CALN1: variants seen among roughly 807,000 people sequenced by gnomAD.
CALN1 encodes calcium-binding protein 8.
CALN1 carries 17 observed loss-of-function variants against 30.6 expected under a neutral mutation model. The observed-to-expected ratio is 0.56, with a 90% CI of 0.38 to 0.83. CALN1 has a LOEUF of 0.83. CALN1 is among the 40% of genes least tolerant of loss of function. CALN1 has a pLI of 0.00. For synonymous variants in CALN1, 156 were observed against 131.4 expected, an observed-to-expected ratio of 1.19 and a Z score of -1.28; for missense variants, 291 against 354.9, an observed-to-expected ratio of 0.82 and a Z score of 1.45.
intron 5 of CALN1, among the ~76,000 whole-genome samples, chr7:71,864,119 G>A (rs1296283555): frequency 6.6e-6 from 1 of 152,030 alleles, no homozygotes; most frequent in East Asian, 1.9e-4. Flanking sequence ...TCTTCAAATA[G>A]CTTCTTATTG....
intron 2 of CALN1, among the ~76,000 whole-genome samples, chr7:72,318,348 C>T (rs1262555635): frequency 6.6e-6 from 1 of 152,166 alleles, no homozygotes; most frequent in Non-Finnish European, 1.5e-5. Flanking sequence ...CCAATAGTGT[C>T]TCAACTATTA....
At chr7:72,046,378 C>G (rs928166078) in intron 4 of CALN1, among the ~76,000 whole-genome samples, 1 of 152,004 alleles carries the variant, frequency 6.6e-6, no homozygotes, top group Non-Finnish European at 1.5e-5. Context: ...GTAGCTGAGA[C>G]TACAGGCACA....
chr7:72,144,204 C>T (rs865856570), intron 3 of CALN1, among the ~76,000 whole-genome samples: 1 of 150,816 alleles, frequency 6.6e-6, no homozygotes, highest in African/African-American at 2.4e-5. Flanking sequence ...AGTCAAGACC[C>T]ATCAGTGTGC....
At chr7:71,978,358 G>T (rs1400108753) in intron 5 of CALN1, among the ~76,000 whole-genome samples, 1 of 132,740 alleles carries the variant, frequency 7.5e-6, no homozygotes, top group Non-Finnish European at 1.6e-5. Flanking sequence ...TGCAAGCTCC[G>T]CCTCCTGGGT....
chr7:72,456,055 G>C, the CALN1 span, among the ~76,000 whole-genome samples: 1 of 152,022 alleles, frequency 6.6e-6, no homozygotes, highest in African/African-American at 2.4e-5. Context: ...CTGGTGGCAC[G>C]CACATGTAGT....
chr7:72,460,587 A>C, the CALN1 span, among the ~76,000 whole-genome samples: 1 of 152,100 alleles, frequency 6.6e-6, no homozygotes, highest in African/African-American at 2.4e-5. Flanking sequence ...AGCCAAGATC[A>C]CATGACTGCA....
At chr7:72,088,968 A>C (rs1805671295) in intron 4 of CALN1, among the ~76,000 whole-genome samples, 1 of 152,120 alleles carries the variant, frequency 6.6e-6, no homozygotes, top group Non-Finnish European at 1.5e-5. Context: ...ACTTTATGTC[A>C]GAACAAATAT....
intron 2 of CALN1, among the ~76,000 whole-genome samples, chr7:72,352,774 AGAAAG>A (rs1403444077): frequency 6.6e-6 from 1 of 152,128 alleles, no homozygotes; most frequent in Non-Finnish European, 1.5e-5. Context: ...AGAAAATAGA[AGAAAG>A]GAAAAAGGAT....
At chr7:72,024,571 G>A (rs558858686) in intron 4 of CALN1, among the ~76,000 whole-genome samples, 1 of 151,968 alleles carries the variant, frequency 6.6e-6, no homozygotes, top group South Asian at 2.1e-4. Context: ...GCTAATTTTT[G>A]TATTTTTAGT....
chr7:72,246,812 T>C (rs1162098511), intron 3 of CALN1, among the ~76,000 whole-genome samples: 1 of 142,072 alleles, frequency 7.0e-6, no homozygotes, highest in Non-Finnish European at 1.5e-5. Context: ...TGGGGTGCTG[T>C]GGCGCAATCT....
chr7:72,395,359 G>GCACA lies in CALN1; in HGVS notation c.119+7888_119+7891dup, dbSNP rs71069064. On this transcript the variant is annotated intron_variant, in intron 2 of 6. Transcript: ENST00000395275. ...ACACACACACGCTGCGCACGCGCGC[G>GCACA]CACACACACACACACACATATCCAG... Among the ~76,000 whole-genome samples, 165 of 151,398 alleles carry GCACA rather than the reference G, an allele frequency of 1.1e-3. 1 individual carries two copies. The highest frequency in any genetic ancestry group is 2.7e-3 in the African/African-American group (112 of 41,268).
At chr7:71,855,380 G>A (rs1219897498) in intron 5 of CALN1, among the ~76,000 whole-genome samples, 1 of 152,114 alleles carries the variant, frequency 6.6e-6, no homozygotes, top group Non-Finnish European at 1.5e-5. Flanking sequence ...TTCAGTTTTA[G>A]GTGCACACGG....
intron 3 of CALN1, among the ~76,000 whole-genome samples, chr7:72,135,115 C>T (rs78632866): frequency 0.013 from 1,981 of 152,302 alleles, 43 homozygotes; most frequent in African/African-American, 0.045. Context: ...CCTTCTCTTG[C>T]TATTTCCACC....
chr7:72,485,500 G>T, the CALN1 span, among the ~76,000 whole-genome samples: 5 of 152,218 alleles, frequency 3.3e-5, no homozygotes, highest in Non-Finnish European at 5.9e-5. Flanking sequence ...GGAATTGGAT[G>T]AAGAAAGTTT....
chr7:71,866,452 C>T (rs1184700951), intron 5 of CALN1, among the ~76,000 whole-genome samples: 2 of 151,814 alleles, frequency 1.3e-5, no homozygotes, highest in African/African-American at 4.8e-5. Context: ...CCCATTTTTG[C>T]TATTTGTTTT....
At chr7:72,251,614 T>C (rs1461766115) in intron 3 of CALN1, among the ~76,000 whole-genome samples, 1 of 152,128 alleles carries the variant, frequency 6.6e-6, no homozygotes, top group Non-Finnish European at 1.5e-5. Flanking sequence ...TTGTCCAGGC[T>C]AGTCTCAAAC....
intron 5 of CALN1, among the ~76,000 whole-genome samples, chr7:72,000,719 A>G (rs972230487): frequency 6.6e-6 from 1 of 151,298 alleles, no homozygotes; most frequent in African/African-American, 2.5e-5. Flanking sequence ...AAAACCAGAC[A>G]GCACAAAACA....
chr7:72,329,355 G>A (rs1469109226), intron 2 of CALN1, among the ~76,000 whole-genome samples: 1 of 152,188 alleles, frequency 6.6e-6, no homozygotes, highest in Non-Finnish European at 1.5e-5. Flanking sequence ...CTGGAGACAG[G>A]ATGATCTTTG....
chr7:72,202,048 G>A (rs1390054510), intron 3 of CALN1, among the ~76,000 whole-genome samples: 3 of 152,168 alleles, frequency 2.0e-5, no homozygotes, highest in Non-Finnish European at 2.9e-5. Context: ...TCAAGGACAC[G>A]TGGACTTCAT....
Sources: allele counts gnomAD v4.1 joint callset (sites outside exome capture counted in the v4.1 genomes callset), GRCh38; gene constraint gnomAD v4.1.1; transcripts MANE v1.5; gene names NCBI Gene and HGNC (gene_info 2026-07-23, HGNC 2026-07-21).